The following SLC25A29 variants were observed in gnomAD, a reference collection of about 807,000 sequenced individuals.
SLC25A29 encodes solute carrier family 25 member 29.
Under a neutral mutation model 10.0 loss-of-function variants are expected in SLC25A29, and 13 were observed. That is an observed-to-expected ratio of 1.30 (90% CI 0.85 to 2.07). The LOEUF is 2.07. SLC25A29 is among the 30% of genes most tolerant of loss of function. The pLI, the probability that SLC25A29 is intolerant of heterozygous loss-of-function variation, is 0.00. For synonymous variants in SLC25A29, 244 were observed against 221.1 expected (o/e 1.10, Z -0.92); for missense variants, 475 against 447.6 (o/e 1.06, Z -0.55).
chr14:100,289,663 T>A, downstream of SLC25A29, among the ~76,000 whole-genome samples: 1 of 151,582 alleles, frequency 6.6e-6, no homozygotes, highest in Admixed American at 6.6e-5. Flanking sequence ...GTCAAGATGG[T>A]GAAACCCTGT....
chr14:100,300,501 G>C (rs1359452766), intron 1 of SLC25A29, among the ~76,000 whole-genome samples: 1 of 152,080 alleles, frequency 6.6e-6, no homozygotes, highest in Non-Finnish European at 1.5e-5. Context: ...TCCTGCCTTA[G>C]CCTCCCAAGT....
At chr14:100,295,103 C>G (rs1183390101) in intron 2 of SLC25A29, 6 of 160,438 alleles carry the variant, frequency 3.7e-5, no homozygotes, top group Non-Finnish European at 6.9e-5. Flanking sequence ...CTTTGCAGAT[C>G]ACAGACACTG....
At chr14:100,295,312 A>T (rs1024181976) in intron 2 of SLC25A29, 5 of 247,030 alleles carry the variant, frequency 2.0e-5, no homozygotes, top group Non-Finnish European at 3.2e-5. Flanking sequence ...AGGCTCTTAA[A>T]ATCTTGGGGT....
intron 2 of SLC25A29, among the ~76,000 whole-genome samples, chr14:100,297,211 A>G (rs1892225782): frequency 6.6e-6 from 1 of 152,240 alleles, no homozygotes; most frequent in Non-Finnish European, 1.5e-5. Flanking sequence ...AGGATCACAT[A>G]TAGATCTTCT....
chr14:100,298,809 C>T (rs747703328), intron 2 of SLC25A29, 33 bp downstream of exon 2: 16 of 1,613,906 alleles, frequency 9.9e-6, no homozygotes, highest in African/African-American at 6.7e-5. Context: ...CCAATGTACG[C>T]GCCGAGGAAA....
intron 1 of SLC25A29, among the ~76,000 whole-genome samples, chr14:100,301,946 A>C (rs1892584637): frequency 2.0e-5 from 3 of 151,754 alleles, no homozygotes. Flanking sequence ...GCCACCTTCC[A>C]TTGACATTTT....
At chr14:100,284,247 C>T in the SLC25A29 span, among the ~76,000 whole-genome samples, 1 of 152,190 alleles carries the variant, frequency 6.6e-6, no homozygotes, top group Admixed American at 6.5e-5. Context: ...TTGAATTCTC[C>T]TCCAGTCCCC....
intron 2 of SLC25A29, chr14:100,293,759 G>C (rs1891948870): frequency 5.1e-6 from 1 of 195,486 alleles, no homozygotes. Flanking sequence ...CCATGTCCCA[G>C]ACTAGGCTGA....
At chr14:100,286,681 C>A (rs1379957748), downstream of SLC25A29, among the ~76,000 whole-genome samples, 1 of 152,342 alleles carries the variant, frequency 6.6e-6, no homozygotes, top group African/African-American at 2.4e-5. Context: ...TGGGAAGTGG[C>A]CTCTGGACCC....
rs756381837 is a variant in SLC25A29, at chr14:100,292,571, A to G, written c.624T>C (p.Tyr208=). Residue 208 remains tyrosine, a synonymous_variant, in exon 4 of 4, where the codon TAT becomes TAC. Coordinates refer to ENST00000359232, the MANE Select transcript of SLC25A29 (RefSeq NM_001039355.3). ...GCCGCGACTTGACCACGTCCACAGG[A>G]TAGGTAGAGAGCCAGGACACGATGC... ...TSGIVSWLST[Y]PVDVVKSRLQ... is the part of the protein sequence containing the mutation. The G allele has an allele frequency of 3.2e-5, 51 of 1,603,048 alleles. No individual in the cohort carries two copies. The highest frequency in any genetic ancestry group is 3.6e-5 in the Non-Finnish European group (42 of 1,175,810).
chr14:100,292,105 ACT>A lies in SLC25A29; in HGVS notation c.*176_*177del. 1.4e-6 allele frequency: 1 copy of A among 736,840 alleles called. No homozygotes were observed. Among genetic ancestry groups the A allele is most frequent in the Admixed American group, 2.2e-5 (1 of 45,742 alleles). 45.6% of individuals were successfully genotyped at this position (736,840 alleles called of 1,614,324 possible). ...GGGTCCTTATTTCATAGATGAGAAC[ACT>A]GAGGCAAGTGCAGTTCTCGGCCAAA... On this transcript the variant is annotated 3_prime_UTR_variant, in exon 4 of 4. Coordinates refer to ENST00000359232, the MANE Select transcript of SLC25A29 (RefSeq NM_001039355.3).
At chr14:100,288,229 A>G (rs1303573942), downstream of SLC25A29, among the ~76,000 whole-genome samples, 2 of 151,992 alleles carry the variant, frequency 1.3e-5, no homozygotes, top group African/African-American at 2.4e-5. Flanking sequence ...TAAAAACACA[A>G]AAAATTAGCA....
intron 3 of SLC25A29, 69 bp from the exon 4 acceptor site, chr14:100,293,101 C>T: frequency 2.7e-6 from 4 of 1,465,200 alleles, no homozygotes; most frequent in Non-Finnish European, 3.6e-6. Context: ...GGAAGGGGGT[C>T]GGGGGATGGC....
chr14:100,293,009 C>G lies in SLC25A29; in HGVS notation c.186G>C (p.Leu62=). Residue 62 remains leucine, a synonymous_variant, in exon 4 of 4, where the codon CTG becomes CTC. Transcript: ENST00000359232. ...QESVLGLYKG[L]GSPLMGLTFI... ...AGGTGAGCCCCATGAGCGGCGAGCCCAGGCCCTTGTACAGGCCCAGCACCT... is the reference window on the plus strand; with the variant it reads ...AGGTGAGCCCCATGAGCGGCGAGCCGAGGCCCTTGTACAGGCCCAGCACCT... The G allele has an allele frequency of 6.3e-7, 1 of 1,576,408 alleles. No homozygotes were observed. The highest frequency in any genetic ancestry group is 8.6e-7 in the Non-Finnish European group (1 of 1,162,580).
chr14:100,280,388 T>C, the SLC25A29 span: 1 of 152,246 alleles, frequency 6.6e-6, no homozygotes, highest in Non-Finnish European at 1.5e-5. Context: ...AGGATAAGTT[T>C]ACACTTAACA....
intron 1 of SLC25A29, among the ~76,000 whole-genome samples, chr14:100,300,807 T>C (rs1394428712): frequency 1.3e-5 from 2 of 152,252 alleles, no homozygotes; most frequent in Non-Finnish European, 2.9e-5. Flanking sequence ...TCTGACATTT[T>C]TATGCCACTT....
At chr14:100,290,160 T>C (rs1177543294), downstream of SLC25A29, among the ~76,000 whole-genome samples, 4 of 152,158 alleles carry the variant, frequency 2.6e-5, no homozygotes, top group South Asian at 4.1e-4. Context: ...AGAGTGCAGA[T>C]GTGTGGAGAG....
chr14:100,285,326 C>T, the SLC25A29 span, among the ~76,000 whole-genome samples: 1 of 107,302 alleles, frequency 9.3e-6, no homozygotes, highest in Admixed American at 9.1e-5. Flanking sequence ...GCTCCAGGGC[C>T]TGTCCCCCAC....
At chr14:100,283,125 G>A in the SLC25A29 span, among the ~76,000 whole-genome samples, 1 of 152,206 alleles carries the variant, frequency 6.6e-6, no homozygotes, top group Non-Finnish European at 1.5e-5. Context: ...TGGAAGCTCC[G>A]GAGCTAACTG....
Sources: gnomAD v4.1 joint callset for allele counts (sites outside exome capture counted in the v4.1 genomes callset) on GRCh38, gnomAD v4.1.1 for gene constraint, MANE v1.5 for transcripts, NCBI Gene and HGNC (gene_info 2026-07-23, HGNC 2026-07-21) for gene names.